The following CDC37L1 variants were observed in gnomAD, a reference collection of about 807,000 sequenced individuals.
The protein encoded by CDC37L1 is cell division cycle 37 like 1, HSP90 cochaperone, also known as hsp90 co-chaperone Cdc37-like 1.
CDC37L1 carries 32 observed loss-of-function variants against 45.9 expected under a neutral mutation model. That is an observed-to-expected ratio of 0.70 (90% CI 0.53 to 0.94). The LOEUF (loss-of-function observed/expected upper bound fraction) is 0.94. Ranked by LOEUF, CDC37L1 falls within the 40% of genes least tolerant of loss-of-function variation. The probability of loss-of-function intolerance (pLI) is 0.00; values close to 1 mark genes in which losing one functional copy is unlikely to be tolerated. For missense variants in CDC37L1, 434 were observed against 405.7 expected (o/e 1.07, Z -0.60); for synonymous variants, 150 against 133.0 (o/e 1.13, Z -0.88).
intron 5 of CDC37L1, among the ~76,000 whole-genome samples, chr9:4,698,416 G>A (rs10758644): frequency 0.32 from 46,902 of 147,972 alleles, 8,328 homozygotes; most frequent in African/African-American, 0.49. Context: ...AAATGCTTAC[G>A]CTATGAATTC....
intron 2 of CDC37L1, 85 bp from the exon 3 acceptor site, chr9:4,688,428 A>G: frequency 1.4e-6 from 1 of 733,060 alleles, no homozygotes; most frequent in Non-Finnish European, 2.1e-6. Flanking sequence ...TGTCTATAGG[A>G]AGAATTGCTA....
chr9:4,681,794 TA>T (rs926463357), intron 1 of CDC37L1, among the ~76,000 whole-genome samples: 8 of 152,136 alleles, frequency 5.3e-5, no homozygotes, highest in African/African-American at 1.2e-4. Flanking sequence ...TTTATAATCC[TA>T]AAAAAAGCTT....
intron 3 of CDC37L1, among the ~76,000 whole-genome samples, chr9:4,689,079 T>C (rs12349120): frequency 0.025 from 3,773 of 152,258 alleles, 126 homozygotes; most frequent in African/African-American, 0.075. Flanking sequence ...AAATAGGTTT[T>C]TTCTATTGGG....
intron 5 of CDC37L1, among the ~76,000 whole-genome samples, chr9:4,700,367 C>T (rs3911873): frequency 0.037 from 5,678 of 152,046 alleles, 363 homozygotes; most frequent in African/African-American, 0.13. Context: ...AGGCTGGTCT[C>T]GAACTTCTGG....
At chr9:4,689,801 C>T (rs1421459470) in intron 3 of CDC37L1, among the ~76,000 whole-genome samples, 3 of 152,144 alleles carry the variant, frequency 2.0e-5, no homozygotes, top group Admixed American at 6.5e-5. Context: ...TTGCCACTCC[C>T]GCCTACAGTC....
chr9:4,694,159 A>G (rs1264976524), intron 3 of CDC37L1, among the ~76,000 whole-genome samples: 1 of 152,200 alleles, frequency 6.6e-6, no homozygotes, highest in African/African-American at 2.4e-5. Flanking sequence ...TAGCAACTGC[A>G]GCCTCAATTT....
Position 4,708,038 on chromosome 9 carries a change from C to G in CDC37L1, c.*1926C>G, listed in dbSNP as rs1345827179. ...AACTTGATTTATATATTTTTACTTG[C>G]AAAAGAATATACTGTGTTTTGAGTA... On this transcript the variant is annotated 3_prime_UTR_variant, in exon 7 of 7. Coordinates refer to ENST00000381854, the MANE Select transcript of CDC37L1 (RefSeq NM_017913.4). The G allele has an allele frequency of 6.6e-6, 1 of 152,148 alleles. No individual in the cohort carries two copies. Among genetic ancestry groups the G allele is most frequent in the Non-Finnish European group, 1.5e-5 (1 of 68,018 alleles). The allele number at this position is 152,148 out of a possible 1,614,324, so 9.4% of individuals were successfully genotyped here. A position where few individuals can be genotyped will look rare whatever the true frequency, so the allele number is the denominator to read the frequency against.
At chr9:4,699,507 G>A (rs1341881780) in intron 5 of CDC37L1, among the ~76,000 whole-genome samples, 7 of 152,036 alleles carry the variant, frequency 4.6e-5, no homozygotes, top group Non-Finnish European at 8.8e-5. Flanking sequence ...AAACCACAGA[G>A]TGATGTATCT....
chr9:4,703,145 G>A, intron 6 of CDC37L1: 4 of 1,506,242 alleles, frequency 2.7e-6, no homozygotes, highest in East Asian at 2.5e-5. Context: ...TTGTGAGAAG[G>A]AAAGTCTTAT....
At chr9:4,680,997 A>G (rs1427544548) in intron 1 of CDC37L1, among the ~76,000 whole-genome samples, 1 of 152,214 alleles carries the variant, frequency 6.6e-6, no homozygotes, top group Non-Finnish European at 1.5e-5. Flanking sequence ...TCACTGGGGA[A>G]CTACAAGACA....
In CDC37L1 at chr9:4,679,804, C is replaced by T; in HGVS notation, c.37C>T (p.Leu13Phe). ...QPWPPPGPWS[L>F]PRAEGEAEEE... ...GTGGCCGCCTCCGGGACCCTGGAGC[C>T]TCCCTCGGGCCGAGGGTGAGGCTGA... The change falls in exon 1 of 7, where the codon CTC becomes TTC. Residue 13 changes from leucine to phenylalanine, a missense_variant. Physicochemically the swap from Leu to Phe is conservative, Grantham distance 22. Transcript: ENST00000381854. 1.9e-6 allele frequency: 3 copies of T among 1,613,760 alleles called. No individual in the cohort carries two copies. Among genetic ancestry groups the T allele is most frequent in the South Asian group, 1.1e-5 (1 of 91,072 alleles).
intron 6 of CDC37L1, 72 bp downstream of exon 6, chr9:4,702,100 CT>C (rs878997521): frequency 0.11 from 50,934 of 476,808 alleles, 148 homozygotes; most frequent in Middle Eastern, 0.14. Flanking sequence ...TTGCCCCACT[CT>C]TTTTTTTTTT....
chr9:4,696,312 T>A (rs544379399), intron 3 of CDC37L1, among the ~76,000 whole-genome samples: 1 of 152,176 alleles, frequency 6.6e-6, no homozygotes, highest in Non-Finnish European at 1.5e-5. Context: ...CTTCTTTGCA[T>A]GAGTCTAAGG....
intron 3 of CDC37L1, among the ~76,000 whole-genome samples, chr9:4,696,833 C>T (rs1841352267): frequency 6.6e-6 from 1 of 152,322 alleles, no homozygotes; most frequent in African/African-American, 2.4e-5. Flanking sequence ...GAACTGGCCA[C>T]TCTGGCCTGA....
intron 6 of CDC37L1, among the ~76,000 whole-genome samples, chr9:4,704,431 C>T (rs985963150): frequency 1.3e-5 from 2 of 152,094 alleles, no homozygotes; most frequent in African/African-American, 2.4e-5. Flanking sequence ...TAGGTTAGGT[C>T]GGGTATACCG....
At chr9:4,699,033 T>C (rs1008062292) in intron 5 of CDC37L1, among the ~76,000 whole-genome samples, 7 of 152,212 alleles carry the variant, frequency 4.6e-5, no homozygotes, top group African/African-American at 1.4e-4. Context: ...TCAGTTTTCA[T>C]TTCTAACAGT....
chr9:4,688,613 C>A lies in CDC37L1; in HGVS notation c.508+7C>A, dbSNP rs1333641769. The A allele has an allele frequency of 1.1e-5, 16 of 1,468,008 alleles. No homozygotes were observed. The highest frequency in any genetic ancestry group is 1.2e-5 in the Non-Finnish European group (13 of 1,082,998). The allele number at this position is 1,468,008 out of a possible 1,614,324, so 90.9% of individuals were successfully genotyped here. On this transcript the variant is annotated splice_region_variant and intron_variant, in intron 3 of 6. Transcript: ENST00000381854. ...CAAAAAATCAGACATTTTGGTAAGT[C>A]TACTACTTGGATTTCCTTCTTTGTA...
At chr9:4,699,008 T>G (rs1353522333) in intron 5 of CDC37L1, among the ~76,000 whole-genome samples, 1 of 152,234 alleles carries the variant, frequency 6.6e-6, no homozygotes, top group Non-Finnish European at 1.5e-5. Context: ...TTTTAGTTAA[T>G]GTTTTAAAAA....
In CDC37L1 at chr9:4,679,793, G is replaced by C. The variant is rs560377407; in HGVS notation, c.26G>C (p.Gly9Ala). 3 of 1,613,534 alleles carry C rather than the reference G, an allele frequency of 1.9e-6. No individual in the cohort carries two copies. The highest frequency in any genetic ancestry group is 2.2e-5 in the South Asian group (2 of 91,062). Residue 9 changes from glycine (G) to alanine (A), a missense_variant, in exon 1 of 7, where the codon GGA becomes GCA. By Grantham distance (60) the Gly-to-Ala change is moderately conservative. Transcript: ENST00000381854. MEQPWPPP[G>A]PWSLPRAEGE... ...ATGGAACAACCGTGGCCGCCTCCGG[G>C]ACCCTGGAGCCTCCCTCGGGCCGAG...
Sources: gnomAD v4.1 joint callset for allele counts (sites outside exome capture counted in the v4.1 genomes callset) on GRCh38, gnomAD v4.1.1 for gene constraint, MANE v1.5 for transcripts, NCBI Gene and HGNC (gene_info 2026-07-23, HGNC 2026-07-21) for gene names.